Variants in DSC1 observed in about 807,000 individuals in gnomAD.
DSC1 encodes desmocollin 1, also known as desmocollin-1.
DSC1 carries 79 observed loss-of-function variants against 98.8 expected under a neutral mutation model. That is an observed-to-expected ratio of 0.80 (90% confidence interval 0.67 to 0.96). The LOEUF is 0.96. DSC1 is among the 50% of genes least tolerant of loss of function. The pLI is 0.00. For synonymous variants in DSC1, 405 were observed against 372.1 expected, an observed-to-expected ratio of 1.09 and a Z score of -1.02; for missense variants, 1,115 against 1,075.9, an observed-to-expected ratio of 1.04 and a Z score of -0.51.
intron 2 of DSC1, among the ~76,000 whole-genome samples, 194 bp from the exon 3 acceptor site, chr18:31,157,767 C>T (rs1325294714): frequency 6.6e-6 from 1 of 152,186 alleles, no homozygotes; most frequent in Non-Finnish European, 1.5e-5. Context: ...GTCACATTTT[C>T]CACTACCTTC....
intron 11 of DSC1, among the ~76,000 whole-genome samples, chr18:31,137,665 A>G (rs549341517): frequency 5.9e-5 from 9 of 151,508 alleles, no homozygotes; most frequent in African/African-American, 1.7e-4. Context: ...AAGCCACACC[A>G]TATATGATAA....
intron 9 of DSC1, among the ~76,000 whole-genome samples, chr18:31,141,602 A>G (rs1988736551): frequency 6.6e-6 from 1 of 152,210 alleles, no homozygotes; most frequent in Non-Finnish European, 1.5e-5. Flanking sequence ...AGGTAAAAAT[A>G]AAATGTACTA....
At chr18:31,136,503 G>A (rs750393451) in intron 11 of DSC1, among the ~76,000 whole-genome samples, 2 of 152,108 alleles carry the variant, frequency 1.3e-5, no homozygotes, top group South Asian at 2.1e-4. Flanking sequence ...CTTTAAGCAT[G>A]TTGATAAAAA....
At chr18:31,143,324 C>A (rs1196368073) in intron 8 of DSC1, among the ~76,000 whole-genome samples, 2 of 151,376 alleles carry the variant, frequency 1.3e-5, no homozygotes, top group African/African-American at 4.9e-5. Flanking sequence ...TCCTCCTTCA[C>A]CCTACATAAA....
intron 6 of DSC1, among the ~76,000 whole-genome samples, chr18:31,146,053 C>A (rs1325647591): frequency 6.6e-6 from 1 of 152,094 alleles, no homozygotes; most frequent in East Asian, 1.9e-4. Flanking sequence ...TTCTGAAATT[C>A]TTTCTCTCTA....
Position 31,157,471 on chromosome 18 carries a change from A to C in DSC1, c.251T>G (p.Ile84Ser), listed in dbSNP as rs754871550. 1 of 1,614,242 alleles carries C rather than the reference A, an allele frequency of 6.2e-7. No individual in the cohort carries two copies. Among genetic ancestry groups the C allele is most frequent in the East Asian group, 2.2e-5 (1 of 44,886 alleles). ...DGSIYTTHDLILSSERKSFSI... is the reference protein window; with the variant it reads ...DGSIYTTHDLSLSSERKSFSI... ...AAAACTTTTCCTTTCAGAAGACAAA[A>C]TGAGGTCATGTGTTGTGTAAATTGA... Residue 84 changes from isoleucine to serine, a missense_variant, in exon 3 of 16, where the codon ATT (isoleucine) becomes AGT (serine). By Grantham distance (142) the Ile-to-Ser change is moderately radical. Coordinates refer to ENST00000257198, the MANE Select transcript of DSC1 (RefSeq NM_024421.2).
intron 9 of DSC1, 54 bp downstream of exon 9, chr18:31,141,945 C>T (rs1598618774): frequency 7.3e-6 from 11 of 1,508,478 alleles, no homozygotes; most frequent in East Asian, 2.3e-5. Context: ...CTCTTAAAAT[C>T]AGTGCGTGAG....
rs1056967493 is a variant in DSC1, at chr18:31,140,191, A to T, written c.1371T>A (p.Thr457=). The T allele has an allele frequency of 1.2e-6, 2 of 1,614,046 alleles. No homozygotes were observed. The change falls in exon 10 of 16, where the codon ACT becomes ACA. Residue 457 remains threonine, a synonymous_variant. Transcript: ENST00000257198. ...CACTGTCTATAATTTTAACGGTGACAGTTGTAGTGCACATTGTAGGAGTTT... is the reference window on the plus strand; with the variant it reads ...CACTGTCTATAATTTTAACGGTGACTGTTGTAGTGCACATTGTAGGAGTTT... ...SSQTPTMCTT[T]VTVKIIDSDE...
chr18:31,130,716 A>G lies in DSC1; in HGVS notation c.2488-5T>C. 6.2e-7 allele frequency: 1 copy of G among 1,613,444 alleles called. No homozygotes were observed. Among genetic ancestry groups the G allele is most frequent in the Non-Finnish European group, 8.5e-7 (1 of 1,179,820 alleles). On this transcript the variant is annotated splice_polypyrimidine_tract_variant and splice_region_variant and intron_variant, in intron 15 of 15. Transcript: ENST00000257198. The stretch of plus-strand genomic sequence containing the variant: ...TTGTCCACACAAATACACCTTCTGT[A>G]TCAAAAAAGAGCACATTTTATTATT...
rs550227268 is a variant in DSC1 at position 31,131,550 on chromosome 18, A to G, written c.2487+44T>C. 5.0e-6 allele frequency: 8 copies of G among 1,602,768 alleles called. No homozygotes were observed. The African/African-American group carries it at 6.7e-5, about 13-fold the overall frequency. On this transcript the variant is annotated intron_variant, in intron 15 of 15. Coordinates refer to ENST00000257198, the MANE Select transcript of DSC1 (RefSeq NM_024421.2). ...TGGGAAATTCTGATTTATAACTAGC[A>G]TTTAACTTCCATGTAATATGACCTC...
Position 31,130,277 on chromosome 18 carries a change from G to A in DSC1, c.*237C>T. On this transcript the variant is annotated 3_prime_UTR_variant, in exon 16 of 16. Transcript: ENST00000257198. ...AAGGTGTACAGTACAGTCGTGAAAA[G>A]GGCAATATATACATGCATATAAAAG... The A allele has an allele frequency of 3.7e-6, 2 of 537,708 alleles. No homozygotes were observed. The highest frequency in any genetic ancestry group is 2.4e-5 in the South Asian group (1 of 42,102). The allele number at this position is 537,708 out of a possible 1,614,324, so 33.3% of individuals were successfully genotyped here. A position where few individuals can be genotyped will look rare whatever the true frequency, so the allele number is the denominator to read the frequency against.
chr18:31,130,591 C>G lies in DSC1; in HGVS notation c.2608G>C (p.Glu870Gln), dbSNP rs755951803. The G allele has an allele frequency of 1.2e-6, 2 of 1,614,158 alleles. No individual in the cohort carries two copies. Among genetic ancestry groups the G allele is most frequent in the African/African-American group, 1.3e-5 (1 of 75,042 alleles). ...GSVGCCSDRQ[E>Q]EEGLEFLDHL... is the part of the protein sequence containing the mutation. Reference sequence around the variant, plus strand: ...TCTAGAAACTCCAGTCCCTCTTCTTCCTGCCGATCGCTGCAGCAACCTACT... The same window carrying G: ...TCTAGAAACTCCAGTCCCTCTTCTTGCTGCCGATCGCTGCAGCAACCTACT... Residue 870 changes from glutamate to glutamine, a missense_variant, in exon 16 of 16, where the codon GAA (glutamate) becomes CAA (glutamine). Glu to Gln is a conservative substitution (Grantham distance 29, BLOSUM62 2). Transcript: ENST00000257198.
chr18:31,156,243 A>T, intron 3 of DSC1, 81 bp from the exon 4 acceptor site: 1 of 1,511,810 alleles, frequency 6.6e-7, no homozygotes, highest in Non-Finnish European at 9.0e-7. Flanking sequence ...TACATCAACA[A>T]GCAGATGTAA....
At chr18:31,136,766 T>C (rs1988619192) in intron 11 of DSC1, among the ~76,000 whole-genome samples, 1 of 152,214 alleles carries the variant, frequency 6.6e-6, no homozygotes. Flanking sequence ...AAAGCCACGC[T>C]GGGCTGCATG....
chr18:31,144,706 T>C (rs1388552369), intron 7 of DSC1, among the ~76,000 whole-genome samples: 1 of 152,168 alleles, frequency 6.6e-6, no homozygotes, highest in African/African-American at 2.4e-5. Context: ...TAATGATGAA[T>C]GTGTGTCTTT....
rs1246481913 is a variant in DSC1, at chr18:31,140,036, C to T, written c.1520+6G>A. ...AAATTAAGGAGCTTTTTGAAAAGTA[C>T]ATCACCTTAAGCCTTCACCACTGGA... is the stretch of plus-strand genomic sequence containing the variant. On this transcript the variant is annotated splice_donor_region_variant and intron_variant, in intron 10 of 15. Coordinates refer to ENST00000257198, the MANE Select transcript of DSC1 (RefSeq NM_024421.2). 4 of 1,605,546 alleles carry T rather than the reference C, an allele frequency of 2.5e-6. No homozygotes were observed. The highest frequency in any genetic ancestry group is 1.1e-5 in the South Asian group (1 of 89,746).
At chr18:31,146,466 A>C (rs1454111502) in intron 6 of DSC1, among the ~76,000 whole-genome samples, 1 of 152,060 alleles carries the variant, frequency 6.6e-6, no homozygotes, top group Non-Finnish European at 1.5e-5. Context: ...TGTGTACTAC[A>C]TTTTCTTTAT....
At chr18:31,157,874 T>A (rs966122630) in intron 2 of DSC1, among the ~76,000 whole-genome samples, 4 of 152,246 alleles carry the variant, frequency 2.6e-5, no homozygotes, top group Non-Finnish European at 5.9e-5. Context: ...TATAAATTTA[T>A]ATATGTGTAT....
intron 11 of DSC1, among the ~76,000 whole-genome samples, chr18:31,138,958 G>C (rs1256481387): frequency 1.3e-5 from 2 of 152,018 alleles, no homozygotes; most frequent in Non-Finnish European, 2.9e-5. Context: ...TAAAATGGAA[G>C]AGTGTAGCTT....
Sources: gnomAD v4.1 joint callset for allele counts (sites outside exome capture counted in the v4.1 genomes callset) on GRCh38, gnomAD v4.1.1 for gene constraint, MANE v1.5 for transcripts, NCBI Gene and HGNC (gene_info 2026-07-23, HGNC 2026-07-21) for gene names.